The following PRKDC variants were observed in gnomAD, a reference collection of about 807,000 sequenced individuals.
The protein encoded by PRKDC is protein kinase, DNA-activated, catalytic subunit.
Under a neutral mutation model 486.9 loss-of-function variants are expected in PRKDC, and 82 were observed. The observed-to-expected ratio is 0.17, with a 90% confidence interval of 0.14 to 0.20. The LOEUF (loss-of-function observed/expected upper bound fraction) is 0.20, where lower values mean the gene tolerates loss of function less well. Among genes scored for constraint, PRKDC ranks in the 10% least tolerant of loss-of-function variants. The pLI is 1.00. For synonymous variants in PRKDC, 1,895 were observed against 1,837.0 expected (o/e 1.03, Z -0.81); for missense variants, 4,504 against 5,038.2 (o/e 0.89, Z 3.21).
At chr8:47,896,151 A>T (rs544342115) in intron 30 of PRKDC, among the ~76,000 whole-genome samples, 1 of 152,074 alleles carries the variant, frequency 6.6e-6, no homozygotes, top group Non-Finnish European at 1.5e-5. Flanking sequence ...TTTATACTTC[A>T]TTATTTATAT....
At chr8:47,860,783 T>TA in intron 45 of PRKDC, 116 bp downstream of exon 45, 2 of 730,276 alleles carry the variant, frequency 2.7e-6, no homozygotes, top group East Asian at 2.9e-5. Context: ...TTAGGGTACT[T>TA]AAAGTATTTT....
chr8:47,854,203 T>C lies in PRKDC; in HGVS notation c.6773A>G (p.Glu2258Gly). 1 of 1,613,300 alleles carries C rather than the reference T, an allele frequency of 6.2e-7. No individual in the cohort carries two copies. Among genetic ancestry groups the C allele is most frequent in the Non-Finnish European group, 8.5e-7 (1 of 1,179,220 alleles). ...CLSIPYRLIF[E>G]KFSGKDPNSK... ...ATTAGGATCTTTACCGGAAAACTTT[T>C]CAAATATTAACCTGAAACATAAGCA... is the stretch of plus-strand genomic sequence containing the variant. The change falls in exon 51 of 86, where the codon GAA (glutamate) becomes GGA (glycine). Residue 2258 changes from glutamate (E) to glycine (G), a missense_variant. Physicochemically the swap from Glu to Gly is moderately conservative, Grantham distance 98. This residue lies in a region of PRKDC where 1,592 missense variants were observed against 1,724.6 expected (regional missense o/e 0.92). Transcript: ENST00000314191.
chr8:47,872,145 A>G (rs1211700681), intron 40 of PRKDC, among the ~76,000 whole-genome samples: 2 of 152,194 alleles, frequency 1.3e-5, no homozygotes, highest in Non-Finnish European at 2.9e-5. Context: ...AGATGAGATT[A>G]AAGTGTATAA....
intron 78 of PRKDC, chr8:47,783,046 G>A (rs966795741): frequency 1.1e-5 from 2 of 176,094 alleles, no homozygotes; most frequent in African/African-American, 2.4e-5. Context: ...GGAAGGATGG[G>A]GCAGGTAGAT....
Position 47,774,204 on chromosome 8 carries a change from C to T in PRKDC, c.12356G>A (p.Arg4119Lys). Residue 4119 changes from arginine (R) to lysine (K), a missense_variant, in exon 86 of 86, where the codon AGA becomes AAA. By Grantham distance (26) the Arg-to-Lys change is conservative. This residue lies in a region of PRKDC where 706 missense variants were observed against 945.0 expected (regional missense o/e 0.75). Transcript: ENST00000314191. The stretch of plus-strand genomic sequence containing the variant: ...CCAGGGCTCCCATCCTTCCCAGGTT[C>T]TGCCAAGGATGTTGGGGTCTGTTGC... ...DQATDPNILG[R>K]TWEGWEPWM The T allele has an allele frequency of 1.3e-6, 2 of 1,589,476 alleles. No individual in the cohort carries two copies. Among genetic ancestry groups the T allele is most frequent in the South Asian group, 1.1e-5 (1 of 87,228 alleles).
At chr8:47,862,809 G>A (rs1385305992) in intron 42 of PRKDC, among the ~76,000 whole-genome samples, 3 of 152,048 alleles carry the variant, frequency 2.0e-5, no homozygotes, top group African/African-American at 7.2e-5. Context: ...AAGGAAGCAA[G>A]GAGGACAGAC....
At chr8:47,867,045 G>C (rs2088834017) in intron 40 of PRKDC, among the ~76,000 whole-genome samples, 2 of 152,094 alleles carry the variant, frequency 1.3e-5, no homozygotes, top group Admixed American at 1.3e-4. Context: ...GCTTCCCTGT[G>C]GCATTATGTT....
intron 69 of PRKDC, chr8:47,805,071 T>TC (rs1443065497): frequency 1.3e-5 from 2 of 152,098 alleles, no homozygotes; most frequent in Admixed American, 1.3e-4. Flanking sequence ...CTCAACATTT[T>TC]TTTTTTTTTA....
At chr8:47,815,794 G>C (rs1023362875) in intron 68 of PRKDC, among the ~76,000 whole-genome samples, 1 of 152,172 alleles carries the variant, frequency 6.6e-6, no homozygotes, top group Admixed American at 6.5e-5. Context: ...AAATACAGAG[G>C]GATAAGTCTT....
intron 10 of PRKDC, among the ~76,000 whole-genome samples, chr8:47,942,959 TCA>T (rs2090470353): frequency 6.6e-6 from 1 of 152,102 alleles, no homozygotes; most frequent in Non-Finnish European, 1.5e-5. Context: ...GGCCATCACC[TCA>T]CCACGTCTTT....
chr8:47,830,374 T>G (rs1255516644), intron 61 of PRKDC, among the ~76,000 whole-genome samples: 1 of 152,188 alleles, frequency 6.6e-6, no homozygotes, highest in Non-Finnish European at 1.5e-5. Context: ...AAATAACGTC[T>G]TCAGCACTGA....
chr8:47,824,046 A>C (rs764836103), intron 63 of PRKDC, 50 bp from the exon 64 acceptor site: 2 of 1,434,274 alleles, frequency 1.4e-6, no homozygotes, highest in African/African-American at 2.8e-5. Flanking sequence ...CAGTATTTTA[A>C]AAGTATTTAT....
intron 1 of PRKDC, among the ~76,000 whole-genome samples, chr8:47,958,023 A>T (rs1020947555): frequency 6.6e-6 from 1 of 152,230 alleles, no homozygotes; most frequent in Admixed American, 6.5e-5. Flanking sequence ...GAGCTTGCAG[A>T]TGGAATTAAG....
At chr8:47,939,471 T>C in intron 11 of PRKDC, 80 bp downstream of exon 11, 13 of 1,470,244 alleles carry the variant, frequency 8.8e-6, no homozygotes, top group Non-Finnish European at 1.2e-5. Flanking sequence ...TATTAGACAC[T>C]ATTCAAAATG....
intron 46 of PRKDC, among the ~76,000 whole-genome samples, chr8:47,859,359 G>C (rs550880945): frequency 1.1e-4 from 17 of 152,222 alleles, no homozygotes; most frequent in South Asian, 2.1e-4. Flanking sequence ...CTCCCCGGGA[G>C]TGCACCTCAG....
In PRKDC at chr8:47,847,596, G is replaced by A. The variant is rs1232530837; in HGVS notation, c.7280+1558C>T. Among the ~76,000 whole-genome samples the A allele has an allele frequency of 2.0e-5, 3 of 152,098 alleles. No individual in the cohort carries two copies. The South Asian group carries it at 6.2e-4, about 31-fold the overall frequency. On this transcript the variant is annotated intron_variant, in intron 54 of 85. Coordinates refer to ENST00000314191, the MANE Select transcript of PRKDC (RefSeq NM_006904.7). ...ATATCAGCCTTAGCAAAGAATTTAT[G>A]ACTAAGTTCTAAAAAGAAACTGCAA... is the stretch of plus-strand genomic sequence containing the variant.
chr8:47,853,607 C>A (rs1487837359), intron 51 of PRKDC, among the ~76,000 whole-genome samples: 1 of 152,186 alleles, frequency 6.6e-6, no homozygotes, highest in African/African-American at 2.4e-5. Flanking sequence ...CAGCGTCTAC[C>A]AGCCCTCACC....
At chr8:47,823,549 CT>C (rs2087655535) in intron 64 of PRKDC, among the ~76,000 whole-genome samples, 1 of 151,940 alleles carries the variant, frequency 6.6e-6, no homozygotes, top group South Asian at 2.1e-4. Flanking sequence ...AGGTATTTCT[CT>C]ACAGAAATGC....
rs769525978 is a variant in PRKDC at position 47,830,671 on chromosome 8, G to C, written c.8331C>G (p.His2777Gln). ...AQVVLYRSYR[H>Q]GDLPDIQIKH... ...TGATCTGAATGTCAGGAAGGTCTCC[G>C]TGCCGGTAGCTTCTGTACAGAACGA... Residue 2777 changes from histidine to glutamine, a missense_variant, in exon 61 of 86, where the codon CAC (histidine) becomes CAG (glutamine). His to Gln is a conservative substitution (Grantham distance 24). Transcript: ENST00000314191. 3 of 1,613,968 alleles carry C rather than the reference G, an allele frequency of 1.9e-6. No homozygotes were observed. Among genetic ancestry groups the C allele is most frequent in the East Asian group, 2.2e-5 (1 of 44,882 alleles).
Sources: allele counts gnomAD v4.1 joint callset (sites outside exome capture counted in the v4.1 genomes callset), GRCh38; gene constraint gnomAD v4.1.1; regional missense constraint gnomAD v4.1.1; transcripts MANE v1.5; gene names NCBI Gene and HGNC (gene_info 2026-07-23, HGNC 2026-07-21).